MACROD2: variants seen among roughly 807,000 people sequenced by gnomAD.
MACROD2 encodes the protein mono-ADP ribosylhydrolase 2.
A neutral mutation model predicts 70.4 loss-of-function variants in MACROD2; 36 were observed. The observed-to-expected ratio is 0.51, with a 90% CI of 0.39 to 0.68. MACROD2 has a LOEUF of 0.68. Ranked by LOEUF, MACROD2 falls within the 30% of genes least tolerant of loss-of-function variation. The pLI is 0.00. For synonymous variants in MACROD2, 172 were observed against 178.8 expected, an observed-to-expected ratio of 0.96 and a Z score of 0.30; for missense variants, 496 against 538.4, an observed-to-expected ratio of 0.92 and a Z score of 0.78.
At chr20:14,576,451 T>A (rs1460707514) in intron 4 of MACROD2, among the ~76,000 whole-genome samples, 2 of 152,206 alleles carry the variant, frequency 1.3e-5, no homozygotes, top group East Asian at 1.9e-4. Context: ...CAAATTTTTT[T>A]AATCTCTGCT....
At chr20:14,213,947 T>C (rs1297748066) in intron 3 of MACROD2, among the ~76,000 whole-genome samples, 1 of 152,132 alleles carries the variant, frequency 6.6e-6, no homozygotes, top group African/African-American at 2.4e-5. Context: ...GATTATCATG[T>C]AGTTCAAAGA....
intron 5 of MACROD2, among the ~76,000 whole-genome samples, chr20:15,048,228 A>G (rs1292446223): frequency 6.6e-6 from 1 of 152,156 alleles, no homozygotes; most frequent in Non-Finnish European, 1.5e-5. Flanking sequence ...GTGAGCCAAG[A>G]TCAGATTGTG....
chr20:14,670,357 A>G (rs1008913609), intron 4 of MACROD2, among the ~76,000 whole-genome samples: 6 of 152,108 alleles, frequency 3.9e-5, no homozygotes, highest in African/African-American at 1.2e-4. Context: ...AACTGACAGA[A>G]TCTAAGCAAT....
intron 6 of MACROD2, among the ~76,000 whole-genome samples, chr20:15,371,989 C>G (rs1319717898): frequency 6.6e-6 from 1 of 152,118 alleles, no homozygotes; most frequent in Non-Finnish European, 1.5e-5. Context: ...AAATATTTTA[C>G]CACAAATGTC....
chr20:15,292,018 T>C (rs1158811550), intron 6 of MACROD2, among the ~76,000 whole-genome samples: 1 of 152,132 alleles, frequency 6.6e-6, no homozygotes, highest in African/African-American at 2.4e-5. Context: ...CTCTTGTTTT[T>C]TCTTCTCTTT....
intron 5 of MACROD2, among the ~76,000 whole-genome samples, chr20:15,218,312 C>A (rs1169961142): frequency 1.3e-5 from 2 of 152,154 alleles, no homozygotes; most frequent in Non-Finnish European, 2.9e-5. Context: ...TTTTCCCATC[C>A]ACTCTAAAAC....
chr20:14,538,369 A>G (rs762143095), intron 4 of MACROD2, among the ~76,000 whole-genome samples: 5 of 152,202 alleles, frequency 3.3e-5, no homozygotes, highest in Admixed American at 6.5e-5. Context: ...AGAGATGGCA[A>G]CTTATTGTCA....
chr20:16,034,013 A>G (rs1305330126), intron 15 of MACROD2, among the ~76,000 whole-genome samples: 1 of 151,094 alleles, frequency 6.6e-6, no homozygotes, highest in African/African-American at 2.4e-5. Flanking sequence ...TTTTATTTTG[A>G]CTCCTTTCAC....
intron 5 of MACROD2, among the ~76,000 whole-genome samples, chr20:15,186,646 T>C (rs1050474614): frequency 2.0e-5 from 3 of 152,198 alleles, no homozygotes; most frequent in Non-Finnish European, 4.4e-5. Flanking sequence ...TTCAAAATCC[T>C]GGACCCATGA....
intron 5 of MACROD2, among the ~76,000 whole-genome samples, chr20:14,830,797 T>G (rs2072955678): frequency 6.6e-6 from 1 of 152,128 alleles, no homozygotes; most frequent in Admixed American, 6.5e-5. Flanking sequence ...TGAGAAACAA[T>G]AATTTACCAT....
chr20:15,301,510 T>C (rs1190205599), intron 6 of MACROD2, among the ~76,000 whole-genome samples: 1 of 152,040 alleles, frequency 6.6e-6, no homozygotes, highest in Non-Finnish European at 1.5e-5. Flanking sequence ...TCCTTTGGTT[T>C]CTTGAATTTC....
intron 5 of MACROD2, among the ~76,000 whole-genome samples, chr20:15,106,632 G>A (rs749774796): frequency 7.9e-5 from 12 of 152,162 alleles, no homozygotes; most frequent in Non-Finnish European, 1.6e-4. Context: ...TCCTAGCGTG[G>A]AACAGCGTGG....
intron 8 of MACROD2, among the ~76,000 whole-genome samples, chr20:15,645,109 G>A (rs959703493): frequency 1.3e-5 from 2 of 152,020 alleles, no homozygotes; most frequent in Admixed American, 6.6e-5. Context: ...GCACATTCTC[G>A]TGACTCAAAA....
chr20:14,964,272 A>G (rs1053303899), intron 5 of MACROD2, among the ~76,000 whole-genome samples: 1 of 152,130 alleles, frequency 6.6e-6, no homozygotes, highest in Non-Finnish European at 1.5e-5. Context: ...ACTAAAATAT[A>G]TAAATGAGAC....
At chr20:14,653,433 T>C (rs1025256009) in intron 4 of MACROD2, among the ~76,000 whole-genome samples, 4 of 151,910 alleles carry the variant, frequency 2.6e-5, no homozygotes, top group South Asian at 4.2e-4. Flanking sequence ...TTAGCCAGGA[T>C]GGTCTCGATT....
intron 3 of MACROD2, among the ~76,000 whole-genome samples, chr20:14,087,288 C>T (rs138957858): frequency 7.7e-4 from 117 of 151,664 alleles, no homozygotes; most frequent in African/African-American, 2.6e-3. Flanking sequence ...CCCAGCTACT[C>T]GGGAGGCTGA....
rs371830764 is a variant in MACROD2, at chr20:14,168,003, A to G, written c.271+82275A>G. 2.0e-5 allele frequency among the ~76,000 whole-genome samples: 3 copies of G among 152,174 alleles called. No homozygotes were observed. In the South Asian group the frequency reaches 6.2e-4, roughly 31 times the overall value. On this transcript the variant is annotated intron_variant, in intron 3 of 17. Coordinates refer to ENST00000684519, the MANE Select transcript of MACROD2 (RefSeq NM_001351661.2). ...AAAGTTGAGTGGGCCCTATTTGTAC[A>G]TGTTTTAGTGACTGTACTCATAGTA...
intron 5 of MACROD2, among the ~76,000 whole-genome samples, chr20:15,156,659 T>C (rs1334619019): frequency 2.6e-5 from 4 of 152,172 alleles, no homozygotes; most frequent in Non-Finnish European, 5.9e-5. Context: ...GGGTGATTCA[T>C]TTCAGCTTTC....
chr20:15,615,247 C>T (rs1054922387), intron 8 of MACROD2, among the ~76,000 whole-genome samples: 1 of 152,168 alleles, frequency 6.6e-6, no homozygotes, highest in Non-Finnish European at 1.5e-5. Flanking sequence ...CATCCCCAAC[C>T]TGAGTGAATT....
Sources: gnomAD v4.1 joint callset for allele counts (sites outside exome capture counted in the v4.1 genomes callset) on GRCh38, gnomAD v4.1.1 for gene constraint, MANE v1.5 for transcripts, NCBI Gene and HGNC (gene_info 2026-07-23, HGNC 2026-07-21) for gene names.